Variants in PRMT9 observed in about 807,000 individuals in gnomAD.
PRMT9 encodes protein arginine methyltransferase 9, also known as protein arginine N-methyltransferase 9.
In PRMT9, 59 loss-of-function variants were observed where a neutral mutation model predicts 83.2. The ratio of observed to expected loss-of-function variants is 0.71; its 90% confidence interval spans 0.57 to 0.88. The LOEUF is 0.88. Among genes scored for constraint, PRMT9 ranks in the 40% least tolerant of loss-of-function variants. The probability of loss-of-function intolerance (pLI) is 0.00; values close to 1 mark genes in which losing one functional copy is unlikely to be tolerated. For missense variants in PRMT9, 947 were observed against 1,021.9 expected (o/e 0.93, Z 1.00); for synonymous variants, 333 against 353.2 (o/e 0.94, Z 0.64).
chr4:147,680,165 T>G (rs1345339166), intron 2 of PRMT9, among the ~76,000 whole-genome samples, 158 bp downstream of exon 2: 1 of 152,236 alleles, frequency 6.6e-6, no homozygotes, highest in Non-Finnish European at 1.5e-5. Context: ...TTACAAAATA[T>G]TAAAACTGCT....
Position 147,670,720 on chromosome 4 carries a change from G to A in PRMT9, c.767C>T (p.Thr256Ile), listed in dbSNP as rs1209389535. 6.2e-7 allele frequency: 1 copy of A among 1,611,914 alleles called. No homozygotes were observed. The highest frequency in any genetic ancestry group is 1.7e-5 in the Admixed American group (1 of 59,992). The change falls in exon 5 of 12, where the codon ACT (threonine) becomes ATT (isoleucine). Residue 256 changes from threonine (T) to isoleucine (I), a missense_variant. By Grantham distance (89) the Thr-to-Ile change is moderately conservative (BLOSUM62 -1). Transcript: ENST00000322396. ...PERVSLVVTE[T>I]VDAGLFGEGI... ...TTCTCCAAATAAACCTGCATCGACA[G>A]TTTCTGTTACAACTAGGGACACTCT...
chr4:147,647,076 T>G (rs1733779519), intron 9 of PRMT9, among the ~76,000 whole-genome samples: 1 of 152,030 alleles, frequency 6.6e-6, no homozygotes, highest in Admixed American at 6.5e-5. Context: ...ACTGTAAAAC[T>G]AAGGAAAGGC....
chr4:147,676,852 T>C (rs1184921008), intron 2 of PRMT9, among the ~76,000 whole-genome samples: 1 of 152,122 alleles, frequency 6.6e-6, no homozygotes, highest in Admixed American at 6.5e-5. Flanking sequence ...GAGACCAGCC[T>C]GGGCAACATG....
At chr4:147,656,785 AAAAAAAAAAAG>A (rs1734525556) in intron 8 of PRMT9, among the ~76,000 whole-genome samples, 1 of 149,422 alleles carries the variant, frequency 6.7e-6, no homozygotes, top group Non-Finnish European at 1.5e-5. Context: ...AAAAAAAAAA[AAAAAAAAAAAG>A]AAAGAAAGAA....
At chr4:147,645,151 T>C (rs1733649762) in intron 9 of PRMT9, among the ~76,000 whole-genome samples, 1 of 152,210 alleles carries the variant, frequency 6.6e-6, no homozygotes, top group Non-Finnish European at 1.5e-5. Flanking sequence ...TTATATACTA[T>C]GTAGTCTCCC....
chr4:147,663,613 A>G (rs987846623), intron 6 of PRMT9, among the ~76,000 whole-genome samples: 2 of 151,874 alleles, frequency 1.3e-5, no homozygotes, highest in African/African-American at 2.4e-5. Flanking sequence ...CCATCTGCCC[A>G]CCTTTGCCTC....
In PRMT9 at chr4:147,680,374, AG is replaced by A; in HGVS notation, c.286del (p.Leu96CysfsTer7). On this transcript the variant is annotated frameshift_variant, in exon 2 of 12. Transcript: ENST00000322396. LOFTEE classifies it high-confidence loss of function. ...GCAAATCACTTCATCATCAGGAAAC[AG>A]TTCCAAGGCCTGCTCATAGCAACCA... ...LLGCYEQALE[L>X]FPDDEVICNS... 1.2e-6 allele frequency: 2 copies of A among 1,614,164 alleles called. No individual in the cohort carries two copies. Among genetic ancestry groups the A allele is most frequent in the Non-Finnish European group, 1.7e-6 (2 of 1,179,984 alleles).
chr4:147,662,418 A>C (rs151124915), intron 6 of PRMT9, among the ~76,000 whole-genome samples: 124 of 152,302 alleles, frequency 8.1e-4, no homozygotes, highest in African/African-American at 2.5e-3. Context: ...GTCAGCACTG[A>C]TTACCCAGGT....
intron 2 of PRMT9, 56 bp downstream of exon 2, chr4:147,680,267 C>T: frequency 6.6e-7 from 1 of 1,511,514 alleles, no homozygotes. Context: ...TGATTTATCC[C>T]TATCCAGACT....
At position 147,638,409 on chromosome 4, in the gene PRMT9, T is replaced by A. The variant is rs1210100792; in HGVS notation, c.*123A>T. 6.9e-6 allele frequency: 5 copies of A among 720,800 alleles called. No individual in the cohort carries two copies. Among genetic ancestry groups the A allele is most frequent in the Non-Finnish European group, 1.2e-5 (5 of 408,982 alleles). The allele number at this position is 720,800 out of a possible 1,614,324, so 44.7% of individuals were successfully genotyped here. On this transcript the variant is annotated 3_prime_UTR_variant, in exon 12 of 12. Transcript: ENST00000322396. ...TAGAATCTTTTAAAATATGCTTTAT[T>A]AATGTCAATTTTAAAAAATATTTGA...
chr4:147,672,660 AC>A (rs1488386126), intron 4 of PRMT9, among the ~76,000 whole-genome samples: 2 of 152,252 alleles, frequency 1.3e-5, no homozygotes, highest in African/African-American at 4.8e-5. Context: ...TATTGACCAC[AC>A]AGGATGAATT....
At chr4:147,683,761 G>T (rs746657360) in intron 1 of PRMT9, 38 bp downstream of exon 1, 5 of 1,151,706 alleles carry the variant, frequency 4.3e-6, no homozygotes, top group African/African-American at 1.7e-5. Flanking sequence ...TTACGAGGAC[G>T]TTGGATCTGC....
intron 2 of PRMT9, among the ~76,000 whole-genome samples, chr4:147,679,063 C>G (rs1224843590): frequency 6.6e-6 from 1 of 152,028 alleles, no homozygotes; most frequent in African/African-American, 2.4e-5. Flanking sequence ...CCCTTTTTTG[C>G]CTGCTCTGTG....
At chr4:147,683,202 C>A (rs1736608937) in intron 1 of PRMT9, among the ~76,000 whole-genome samples, 1 of 152,158 alleles carries the variant, frequency 6.6e-6, no homozygotes. Flanking sequence ...TATAACAAAT[C>A]CAAAAGCCCT....
intron 7 of PRMT9, 67 bp from the exon 8 acceptor site, chr4:147,658,042 C>A (rs1475307942): frequency 9.1e-7 from 1 of 1,103,878 alleles, no homozygotes; most frequent in Non-Finnish European, 1.3e-6. Context: ...CAGTATCTTA[C>A]CATTTTCCAT....
chr4:147,647,325 C>T (rs1226703955), intron 9 of PRMT9, among the ~76,000 whole-genome samples: 4 of 152,182 alleles, frequency 2.6e-5, no homozygotes, highest in South Asian at 2.1e-4. Flanking sequence ...CTATGACTCC[C>T]ACCCAGAAAG....
Position 147,683,797 on chromosome 4 carries a change from A to G in PRMT9, c.189+2T>C. 1 of 1,575,652 alleles carries G rather than the reference A, an allele frequency of 6.3e-7. No individual in the cohort carries two copies. Among genetic ancestry groups the G allele is most frequent in the Non-Finnish European group, 8.6e-7 (1 of 1,163,574 alleles). On this transcript the variant is annotated splice_donor_variant, in intron 1 of 11. Transcript: ENST00000322396. LOFTEE classifies it high-confidence loss of function. ...CAGCAAGTGAGAAAAAAGGACCCTC[A>G]CCTTCACGTCGTGTTTCAGCTCCGG...
At chr4:147,656,054 TTA>T (rs1008727617) in intron 8 of PRMT9, among the ~76,000 whole-genome samples, 1 of 152,126 alleles carries the variant, frequency 6.6e-6, no homozygotes, top group African/African-American at 2.4e-5. Context: ...CATCCCGTTT[TTA>T]TATATGATAC....
chr4:147,663,562 C>T (rs1026275304), intron 6 of PRMT9, among the ~76,000 whole-genome samples: 3 of 152,062 alleles, frequency 2.0e-5, no homozygotes, highest in Non-Finnish European at 1.5e-5. Context: ...GACAGGGTTT[C>T]GCTGTGTTGC....
Sources: gnomAD v4.1 joint callset for allele counts (sites outside exome capture counted in the v4.1 genomes callset) on GRCh38, gnomAD v4.1.1 for gene constraint, MANE v1.5 for transcripts, NCBI Gene and HGNC (gene_info 2026-07-23, HGNC 2026-07-21) for gene names.